The following ROCK2 variants were observed in gnomAD, a reference collection of about 807,000 sequenced individuals.
The protein encoded by ROCK2 is rho-associated protein kinase 2.
ROCK2 carries 61 observed loss-of-function variants against 195.1 expected under a neutral mutation model. That is an observed-to-expected ratio of 0.31 (90% CI 0.25 to 0.39). The LOEUF is 0.39. Ranked by LOEUF, ROCK2 falls within the 10% of genes least tolerant of loss-of-function variation. The probability of loss-of-function intolerance (pLI) is 1.00; values close to 1 mark genes in which losing one functional copy is unlikely to be tolerated. For missense variants in ROCK2, 1,109 were observed against 1,637.4 expected (o/e 0.68, Z 5.57); for synonymous variants, 504 against 545.5 (o/e 0.92, Z 1.06).
At chr2:11,270,578 A>G (rs1235958002) in intron 3 of ROCK2, among the ~76,000 whole-genome samples, 1 of 152,074 alleles carries the variant, frequency 6.6e-6, no homozygotes, top group African/African-American at 2.4e-5. Context: ...TTTTGGGTGT[A>G]CCTATTGATA....
chr2:11,310,481 T>C (rs1269233313), intron 1 of ROCK2, among the ~76,000 whole-genome samples: 1 of 152,134 alleles, frequency 6.6e-6, no homozygotes, highest in Non-Finnish European at 1.5e-5. Context: ...ATTCCTGGCG[T>C]ACACAACTCA....
Position 11,336,388 on chromosome 2 carries a change from C to G in ROCK2, c.141+7608G>C, listed in dbSNP as rs535382204. Among the ~76,000 whole-genome samples the G allele has an allele frequency of 9.9e-5, 15 of 152,240 alleles. No individual in the cohort carries two copies. The South Asian group carries it at 2.3e-3, about 23-fold the overall frequency. ...CCTCAGCCTCCTGGGCAGCTAGGAT[C>G]ACAAGTTTGTGCCACCATGCCTGGC... On this transcript the variant is annotated intron_variant, in intron 1 of 32. Coordinates refer to ENST00000315872, the MANE Select transcript of ROCK2 (RefSeq NM_004850.5).
chr2:11,179,819 ATACAAT>A lies in ROCK2; in HGVS notation c.*3612_*3617del, dbSNP rs1187896721. ...TTTTTTATAAAAAAGCAGGCATAAA[ATACAAT>A]TACATTACTACGAAGATGCAACAAA... On this transcript the variant is annotated 3_prime_UTR_variant, in exon 33 of 33. Coordinates refer to ENST00000315872, the MANE Select transcript of ROCK2 (RefSeq NM_004850.5). 4.6e-5 allele frequency: 7 copies of A among 152,232 alleles called. No individual in the cohort carries two copies. Among genetic ancestry groups the A allele is most frequent in the African/African-American group, 9.6e-5 (4 of 41,456 alleles). The allele number at this position is 152,232 out of a possible 1,614,324, so 9.4% of individuals were successfully genotyped here. A position where few individuals can be genotyped will look rare whatever the true frequency, so the allele number is the denominator to read the frequency against.
intron 3 of ROCK2, among the ~76,000 whole-genome samples, chr2:11,285,038 G>A (rs1192810846): frequency 1.3e-5 from 2 of 152,112 alleles, no homozygotes; most frequent in East Asian, 1.9e-4. Context: ...CGAGGCAGGC[G>A]GATCACCTGA....
chr2:11,228,141 G>A (rs1664878016), intron 5 of ROCK2, among the ~76,000 whole-genome samples: 1 of 152,156 alleles, frequency 6.6e-6, no homozygotes, highest in Non-Finnish European at 1.5e-5. Context: ...GAGAAGTATG[G>A]TGCTAAATGG....
chr2:11,269,573 G>A (rs1666551346), intron 3 of ROCK2, among the ~76,000 whole-genome samples: 1 of 152,052 alleles, frequency 6.6e-6, no homozygotes, highest in African/African-American at 2.4e-5. Flanking sequence ...TCTTTTTCAA[G>A]GACGGTTTCT....
chr2:11,288,850 T>C (rs949044844), intron 1 of ROCK2, among the ~76,000 whole-genome samples: 2 of 151,990 alleles, frequency 1.3e-5, no homozygotes, highest in Non-Finnish European at 2.9e-5. Context: ...GGCAGGAGGA[T>C]CACTTGAGCC....
intron 1 of ROCK2, among the ~76,000 whole-genome samples, chr2:11,323,115 A>G (rs1338602558): frequency 6.6e-6 from 1 of 152,254 alleles, no homozygotes; most frequent in African/African-American, 2.4e-5. Context: ...AACATTTAAT[A>G]TTATTAATTA....
At chr2:11,295,914 G>A (rs1350818686) in intron 1 of ROCK2, among the ~76,000 whole-genome samples, 4 of 149,594 alleles carry the variant, frequency 2.7e-5, no homozygotes, top group Admixed American at 2.0e-4. Context: ...CCGAGATCGC[G>A]CCACTGCACT....
intron 32 of ROCK2, among the ~76,000 whole-genome samples, chr2:11,190,564 G>A (rs1663386131): frequency 7.4e-6 from 1 of 134,264 alleles, no homozygotes; most frequent in Non-Finnish European, 1.7e-5. Flanking sequence ...GTGTCAAATA[G>A]CACAAAAGAA....
intron 3 of ROCK2, among the ~76,000 whole-genome samples, chr2:11,270,844 T>C (rs745462126): frequency 6.0e-4 from 92 of 152,242 alleles, no homozygotes; most frequent in Admixed American, 1.2e-3. Flanking sequence ...CTTCTAATGC[T>C]TACTGTCTCT....
At chr2:11,226,996 T>G (rs1664835746) in intron 6 of ROCK2, among the ~76,000 whole-genome samples, 1 of 151,962 alleles carries the variant, frequency 6.6e-6, no homozygotes, top group South Asian at 2.1e-4. Context: ...TTCTAATATT[T>G]TAATTCAAAA....
intron 4 of ROCK2, among the ~76,000 whole-genome samples, chr2:11,241,396 TA>T (rs1394842611): frequency 6.6e-6 from 1 of 152,100 alleles, no homozygotes; most frequent in South Asian, 2.1e-4. Flanking sequence ...AGAAAGGGGA[TA>T]GGGGCTTAGG....
chr2:11,247,945 C>G (rs182242438), intron 4 of ROCK2, among the ~76,000 whole-genome samples: 1 of 152,000 alleles, frequency 6.6e-6, no homozygotes, highest in East Asian at 1.9e-4. Context: ...TCGCTTGAAT[C>G]CAGGAGGTGG....
chr2:11,203,871 C>CT (rs1663953702), intron 20 of ROCK2, among the ~76,000 whole-genome samples: 1 of 152,178 alleles, frequency 6.6e-6, no homozygotes, highest in African/African-American at 2.4e-5. Context: ...GCTAAGCCCA[C>CT]TTGTAGCAAA....
chr2:11,337,447 A>C (rs1324156405), intron 1 of ROCK2, among the ~76,000 whole-genome samples: 1 of 152,192 alleles, frequency 6.6e-6, no homozygotes, highest in Non-Finnish European at 1.5e-5. Flanking sequence ...TCACAAAGGA[A>C]AATATATAAA....
rs534892862 is a variant in ROCK2, at chr2:11,307,928, G to A, written c.142-20192C>T. 4.6e-5 allele frequency: 65 copies of A among 1,408,920 alleles called. 1 individual carries two copies. In the South Asian group the frequency reaches 8.6e-4, roughly 19 times the overall value. 87.3% of individuals were successfully genotyped at this position (1,408,920 alleles called of 1,614,324 possible). A position where few individuals can be genotyped will look rare whatever the true frequency, so the allele number is the denominator to read the frequency against. On this transcript the variant is annotated intron_variant, in intron 1 of 32. Coordinates refer to ENST00000315872, the MANE Select transcript of ROCK2 (RefSeq NM_004850.5). ...CGGTGGTGGCCGTAGCGGTCCTCCT[G>A]GCCCTGTTAATGTCAGGGCCAGGCC...
intron 32 of ROCK2, among the ~76,000 whole-genome samples, chr2:11,186,607 C>G (rs1385432021): frequency 6.6e-6 from 1 of 152,158 alleles, no homozygotes; most frequent in Non-Finnish European, 1.5e-5. Context: ...TGAAAGACTT[C>G]TACTTATAAA....
intron 3 of ROCK2, among the ~76,000 whole-genome samples, chr2:11,262,862 T>C (rs1461460306): frequency 6.6e-6 from 1 of 152,124 alleles, no homozygotes; most frequent in Non-Finnish European, 1.5e-5. Flanking sequence ...GTAAAACACC[T>C]CATTTGAAAT....
Sources: allele counts gnomAD v4.1 joint callset (sites outside exome capture counted in the v4.1 genomes callset), GRCh38; gene constraint gnomAD v4.1.1; transcripts MANE v1.5; gene names NCBI Gene and HGNC (gene_info 2026-07-23, HGNC 2026-07-21).